BRAF: variants seen among roughly 807,000 people sequenced by gnomAD.
BRAF encodes the protein serine/threonine-protein kinase B-raf.
A neutral mutation model predicts 104.6 loss-of-function variants in BRAF; 16 were observed. That is an observed-to-expected ratio of 0.15 (90% CI 0.10 to 0.23). BRAF has a LOEUF of 0.23. Among genes scored for constraint, BRAF ranks in the 10% least tolerant of loss-of-function variants. The probability of loss-of-function intolerance (pLI) is 1.00; values close to 1 mark genes in which losing one functional copy is unlikely to be tolerated. For missense variants in BRAF, 541 were observed against 937.3 expected, an observed-to-expected ratio of 0.58 and a Z score of 5.52; for synonymous variants, 310 against 341.6, an observed-to-expected ratio of 0.91 and a Z score of 1.02.
At chr7:140,788,646 T>C (rs1444070579) in intron 8 of BRAF, among the ~76,000 whole-genome samples, 1 of 152,092 alleles carries the variant, frequency 6.6e-6, no homozygotes, top group Non-Finnish European at 1.5e-5. Flanking sequence ...TGGAGTGCAG[T>C]GGCGTGATCT....
chr7:140,820,759 G>A (rs1805391127), intron 3 of BRAF, among the ~76,000 whole-genome samples: 1 of 152,022 alleles, frequency 6.6e-6, no homozygotes, highest in Non-Finnish European at 1.5e-5. Context: ...GGGCAACATA[G>A]CAAGGCCCTA....
chr7:140,901,205 A>G (rs1815591073), intron 1 of BRAF, among the ~76,000 whole-genome samples: 2 of 152,264 alleles, frequency 1.3e-5, no homozygotes, highest in African/African-American at 4.8e-5. Context: ...AATTGTAAAT[A>G]CAAATATGAG....
chr7:140,772,484 T>C (rs1799949354), intron 14 of BRAF, among the ~76,000 whole-genome samples: 1 of 151,766 alleles, frequency 6.6e-6, no homozygotes, highest in Non-Finnish European at 1.5e-5. Context: ...ATGAGCCAGG[T>C]GTGATGGTGC....
intron 8 of BRAF, among the ~76,000 whole-genome samples, chr7:140,792,636 T>C (rs1366099347): frequency 6.6e-6 from 1 of 152,194 alleles, no homozygotes; most frequent in African/African-American, 2.4e-5. Context: ...CCAGATGGAG[T>C]TTATTACCCC....
chr7:140,812,874 T>C (rs1394046725), intron 3 of BRAF, among the ~76,000 whole-genome samples: 1 of 152,030 alleles, frequency 6.6e-6, no homozygotes, highest in Non-Finnish European at 1.5e-5. Flanking sequence ...TATACCAGAA[T>C]AAACTACAAA....
chr7:140,789,047 A>G (rs1801676789), intron 8 of BRAF, among the ~76,000 whole-genome samples: 1 of 151,714 alleles, frequency 6.6e-6, no homozygotes, highest in Non-Finnish European at 1.5e-5. Flanking sequence ...CATCTCTACT[A>G]AAAATACAAA....
At chr7:140,716,477 G>T (rs1795132399), downstream of BRAF, among the ~76,000 whole-genome samples, 1 of 152,102 alleles carries the variant, frequency 6.6e-6, no homozygotes, top group Non-Finnish European at 1.5e-5. Flanking sequence ...AGTGACCCTG[G>T]GATCCCAGTT....
At chr7:140,772,256 A>G (rs1198907740) in intron 14 of BRAF, among the ~76,000 whole-genome samples, 1 of 145,628 alleles carries the variant, frequency 6.9e-6, no homozygotes, top group African/African-American at 2.6e-5. Context: ...AGCCTGATTA[A>G]AACAGATTGT....
At chr7:140,809,640 T>C (rs545637892) in intron 3 of BRAF, among the ~76,000 whole-genome samples, 3 of 152,294 alleles carry the variant, frequency 2.0e-5, no homozygotes, top group South Asian at 2.1e-4. Context: ...CAGGGCTATA[T>C]ATATGACCCA....
chr7:140,742,760 G>T (rs957138909), intron 17 of BRAF, among the ~76,000 whole-genome samples: 40 of 152,164 alleles, frequency 2.6e-4, no homozygotes, highest in African/African-American at 9.1e-4. Flanking sequence ...CATAGCAAAA[G>T]AAACTACCAT....
intron 1 of BRAF, among the ~76,000 whole-genome samples, chr7:140,899,109 T>C (rs1280847149): frequency 6.6e-6 from 1 of 152,210 alleles, no homozygotes; most frequent in African/African-American, 2.4e-5. Flanking sequence ...CTTATATATA[T>C]GCTTCCTACT....
intron 1 of BRAF, among the ~76,000 whole-genome samples, chr7:140,893,407 G>A (rs1850250061): frequency 6.6e-6 from 1 of 151,990 alleles, no homozygotes; most frequent in African/African-American, 2.4e-5. Flanking sequence ...CCGCCACCAT[G>A]CCTGGCTAAT....
chr7:140,800,828 G>T (rs1405430959), intron 6 of BRAF, among the ~76,000 whole-genome samples: 1 of 152,064 alleles, frequency 6.6e-6, no homozygotes. Context: ...ATTTGCTCAG[G>T]TGATCAAGAA....
chr7:140,911,495 TC>T (rs771607146), intron 1 of BRAF, among the ~76,000 whole-genome samples: 2 of 152,116 alleles, frequency 1.3e-5, no homozygotes, highest in Non-Finnish European at 1.5e-5. Flanking sequence ...ACTCTGGGAT[TC>T]TACAAAAGCA....
chr7:140,736,967 T>C (rs1195288548), intron 18 of BRAF, among the ~76,000 whole-genome samples: 1 of 151,988 alleles, frequency 6.6e-6, no homozygotes, highest in East Asian at 1.9e-4. Context: ...AGAGGATCGC[T>C]TGAGCCCAGG....
At chr7:140,733,524 G>GT (rs1796145229) in intron 19 of BRAF, 1 of 152,158 alleles carries the variant, frequency 6.6e-6, no homozygotes, top group African/African-American at 2.4e-5. Flanking sequence ...ACAACAAAGT[G>GT]TAAGTACTAA....
intron 1 of BRAF, among the ~76,000 whole-genome samples, chr7:140,867,540 C>A (rs1238418818): frequency 1.4e-5 from 2 of 146,508 alleles, no homozygotes; most frequent in African/African-American, 2.6e-5. Context: ...AAAAAAAAAA[C>A]AGACAATGTC....
In BRAF at chr7:140,777,007, C is replaced by G. The variant is rs1357040745; in HGVS notation, c.1719G>C (p.Glu573Asp). The change falls in exon 14 of 20, where the codon GAG (glutamate) becomes GAC (aspartate). Residue 573 changes from glutamate to aspartate, a missense_variant. Around this residue, in one of 10 missense-constraint regions of BRAF, gnomAD observed 129 missense variants for 285.8 expected, o/e 0.45. Transcript: ENST00000644969. ...PQLAIVTQWC[E>D]GSSLYHHLHI... ...GGAGATGGTGATACAAGCTGGAGCCCTCACACCACTGGGTAACAATAGCCA... is the reference window on the plus strand; with the variant it reads ...GGAGATGGTGATACAAGCTGGAGCCGTCACACCACTGGGTAACAATAGCCA... 4.3e-6 allele frequency: 7 copies of G among 1,613,832 alleles called. No individual in the cohort carries two copies. Among genetic ancestry groups the G allele is most frequent in the Non-Finnish European group, 5.9e-6 (7 of 1,179,788 alleles).
Position 140,924,699 on chromosome 7 carries a change from G to T in BRAF, c.5C>A (p.Ala2Glu), listed in dbSNP as rs1471655119. Residue 2 changes from alanine (A) to glutamate (E), a missense_variant, in exon 1 of 20, where the codon GCG (alanine) becomes GAG (glutamate). Around this residue, in one of 10 missense-constraint regions of BRAF, gnomAD observed 82 missense variants for 65.9 expected, o/e 1.24. Transcript: ENST00000644969. The surrounding 1 kb of genome is among the most constrained non-coding windows in gnomAD (Gnocchi z 4.2). ...GCCACCACCGCCACCGCTCAGCGCC[G>T]CCATCTTATAACCGAGAGCCGGGGC... M[A>E]ALSGGGGGGA... The T allele has an allele frequency of 2.9e-6, 3 of 1,051,588 alleles. No homozygotes were observed. The highest frequency in any genetic ancestry group is 4.2e-6 in the Non-Finnish European group (3 of 718,684). 65.1% of individuals were successfully genotyped at this position (1,051,588 alleles called of 1,614,324 possible). A position where few individuals can be genotyped will look rare whatever the true frequency, so the allele number is the denominator to read the frequency against.
Sources: gnomAD v4.1 joint callset for allele counts (sites outside exome capture counted in the v4.1 genomes callset) on GRCh38, gnomAD v4.1.1 for gene constraint, gnomAD v4.1.1 regional missense constraint, Gnocchi (gnomAD v3.1) non-coding constraint, MANE v1.5 for transcripts, NCBI Gene and HGNC (gene_info 2026-07-23, HGNC 2026-07-21) for gene names.